ADGRD1: variants seen among roughly 807,000 people sequenced by gnomAD.
ADGRD1 encodes adhesion G protein-coupled receptor D1.
ADGRD1 carries 77 observed loss-of-function variants against 113.4 expected under a neutral mutation model. That is an observed-to-expected ratio of 0.68 (90% CI 0.57 to 0.82). ADGRD1 has a LOEUF of 0.82. Ranked by LOEUF, ADGRD1 falls within the 40% of genes least tolerant of loss-of-function variation. The pLI, the probability that ADGRD1 is intolerant of heterozygous loss-of-function variation, is 0.00. For synonymous variants in ADGRD1, 474 were observed against 475.0 expected, an observed-to-expected ratio of 1.00 and a Z score of 0.03; for missense variants, 1,036 against 1,139.1, an observed-to-expected ratio of 0.91 and a Z score of 1.30.
chr12:131,022,309 G>A lies in ADGRD1; in HGVS notation c.1473+7969G>A, dbSNP rs1184829509. ...CCCTTTGCCTAGAATAAATATCTTG[G>A]TGGTGGGGAGATACCGTGAAACTAC... is the stretch of plus-strand genomic sequence containing the variant. On this transcript the variant is annotated intron_variant, in intron 13 of 24. Coordinates refer to ENST00000261654, the MANE Select transcript of ADGRD1 (RefSeq NM_198827.5). The surrounding 1 kb of genome is among the most constrained non-coding windows in gnomAD (Gnocchi z 4.6). Among the ~76,000 whole-genome samples the A allele has an allele frequency of 6.6e-6, 1 of 152,124 alleles. No individual in the cohort carries two copies. The highest frequency in any genetic ancestry group is 1.5e-5 in the Non-Finnish European group (1 of 68,030).
At position 131,041,711 on chromosome 12, in the gene ADGRD1, G is replaced by A. The variant is rs1427990859; in HGVS notation, c.1473+27371G>A. On this transcript the variant is annotated intron_variant, in intron 13 of 24. Transcript: ENST00000261654. The surrounding 1 kb of genome is among the most constrained non-coding windows in gnomAD (Gnocchi z 4.4). The stretch of plus-strand genomic sequence containing the variant: ...GGACATGTCATGCATGAATCAGGGA[G>A]CAGTTCCCGGGGAACACACTGCACG... Among the ~76,000 whole-genome samples, 1 of 152,188 alleles carries A rather than the reference G, an allele frequency of 6.6e-6. No homozygotes were observed. Among genetic ancestry groups the A allele is most frequent in the Non-Finnish European group, 1.5e-5 (1 of 68,036 alleles).
In ADGRD1 at chr12:131,075,881, CG is replaced by C. The variant is rs1885562727; in HGVS notation, c.1474-918del. ...ATGGGTCACAGAACAGAGCAGGCAT[CG>C]GACAAATAAGAGATGCTTGACTTGA... On this transcript the variant is annotated intron_variant, in intron 13 of 24. Coordinates refer to ENST00000261654, the MANE Select transcript of ADGRD1 (RefSeq NM_198827.5). This position sits in a 1 kb window ranked among gnomAD's most constrained non-coding sequence, Gnocchi z 5.3. Among the ~76,000 whole-genome samples the C allele has an allele frequency of 6.6e-6, 1 of 152,184 alleles. No individual in the cohort carries two copies. The highest frequency in any genetic ancestry group is 3.2e-3 in the Middle Eastern group (1 of 316).
At chr12:131,049,120 C>A (rs1425920924) in intron 13 of ADGRD1, among the ~76,000 whole-genome samples, 1 of 152,226 alleles carries the variant, frequency 6.6e-6, no homozygotes, top group Non-Finnish European at 1.5e-5. Flanking sequence ...GACCCTCAGG[C>A]TCAGGTGCCT....
At position 131,021,289 on chromosome 12, in the gene ADGRD1, C is replaced by T. The variant is rs145804729; in HGVS notation, c.1473+6949C>T. On this transcript the variant is annotated intron_variant, in intron 13 of 24. Transcript: ENST00000261654. Reference sequence around the variant, plus strand: ...TTTTTTCAGTCCCGGGGTCTCATCTCGGCTGGCACAGAGCGCTTAGTTGTC... The same window carrying T: ...TTTTTTCAGTCCCGGGGTCTCATCTTGGCTGGCACAGAGCGCTTAGTTGTC... Among the ~76,000 whole-genome samples, 310 of 152,188 alleles carry T rather than the reference C, an allele frequency of 2.0e-3. 1 individual carries two copies. The highest frequency in any genetic ancestry group is 7.3e-3 in the African/African-American group (304 of 41,518).
chr12:131,065,399 C>A (rs1326278946), intron 13 of ADGRD1, among the ~76,000 whole-genome samples: 4 of 152,202 alleles, frequency 2.6e-5, no homozygotes, highest in Admixed American at 2.6e-4. Context: ...CAGCGTGGAC[C>A]CTCGGCTCTG....
intron 13 of ADGRD1, among the ~76,000 whole-genome samples, chr12:131,033,974 G>A (rs1200267466): frequency 2.0e-5 from 3 of 152,138 alleles, no homozygotes; most frequent in East Asian, 1.9e-4. Flanking sequence ...GCTCACGTCC[G>A]ATTTCCACCG....
intron 8 of ADGRD1, among the ~76,000 whole-genome samples, chr12:130,994,945 C>T (rs1283525686): frequency 6.6e-6 from 1 of 152,214 alleles, no homozygotes; most frequent in Non-Finnish European, 1.5e-5. Context: ...AAGTGTGTGT[C>T]CTGCCCTAGG....
chr12:131,085,230 G>T (rs1886376565), intron 15 of ADGRD1, among the ~76,000 whole-genome samples: 1 of 152,218 alleles, frequency 6.6e-6, no homozygotes, highest in Non-Finnish European at 1.5e-5. Flanking sequence ...GGAGCGGGGC[G>T]TCTTCACGGA....
intron 18 of ADGRD1, among the ~76,000 whole-genome samples, chr12:131,118,003 G>T (rs1345980063): frequency 1.3e-5 from 2 of 152,204 alleles, no homozygotes; most frequent in Non-Finnish European, 2.9e-5. Context: ...TTAAGCCATT[G>T]CCAGTTGTCT....
chr12:131,123,088 G>GAAGA (rs1950643312), intron 20 of ADGRD1, among the ~76,000 whole-genome samples: 6 of 76,302 alleles, frequency 7.9e-5, no homozygotes, highest in Non-Finnish European at 1.5e-4. Flanking sequence ...CAGAGTCTTC[G>GAAGA]CTCTGTCGCC....
At position 131,104,927 on chromosome 12, in the gene ADGRD1, G is replaced by C; in HGVS notation, c.1768G>C (p.Val590Leu). 1 of 1,548,892 alleles carries C rather than the reference G, an allele frequency of 6.5e-7. No individual in the cohort carries two copies. The highest frequency in any genetic ancestry group is 8.7e-7 in the Non-Finnish European group (1 of 1,145,338). Residue 590 changes from valine (V) to leucine (L), a missense_variant, in exon 16 of 25, where the codon GTG becomes CTG. Coordinates refer to ENST00000261654, the MANE Select transcript of ADGRD1 (RefSeq NM_198827.5). ...CLVATLVTFA[V>L]LSSVSTIRNQ... Reference sequence around the variant, plus strand: ...GGTGGCCACGCTGGTCACCTTCGCCGTGCTGTCGTGAGTCCCCTTTTCTAA... The same window carrying C: ...GGTGGCCACGCTGGTCACCTTCGCCCTGCTGTCGTGAGTCCCCTTTTCTAA...
intron 2 of ADGRD1, chr12:130,957,538 C>T (rs1869797612): frequency 6.6e-6 from 1 of 152,348 alleles, no homozygotes; most frequent in African/African-American, 2.4e-5. Context: ...CACACATGTA[C>T]ACCTATTTAC....
rs79017356 is a variant in ADGRD1, at chr12:131,038,297, G to A, written c.1473+23957G>A. 4.8e-3 allele frequency among the ~76,000 whole-genome samples: 735 copies of A among 152,364 alleles called. 5 individuals carry two copies. Among genetic ancestry groups the A allele is most frequent in the African/African-American group, 0.017 (696 of 41,588 alleles). ...TCCACAGTGCCGGGAGGGCCTGTGC[G>A]CTGAGCCAGGGCAGGTGGCAGATGG... On this transcript the variant is annotated intron_variant, in intron 13 of 24. Transcript: ENST00000261654.
intron 15 of ADGRD1, among the ~76,000 whole-genome samples, chr12:131,102,712 T>TGCAGG (rs1175016684): frequency 6.6e-6 from 1 of 152,158 alleles, no homozygotes; most frequent in Non-Finnish European, 1.5e-5. Flanking sequence ...TGGCACCTGC[T>TGCAGG]GCAGGGAAGC....
Position 131,075,764 on chromosome 12 carries a change from C to T in ADGRD1, c.1474-1037C>T, listed in dbSNP as rs145870890. Among the ~76,000 whole-genome samples, 35 of 152,304 alleles carry T rather than the reference C, an allele frequency of 2.3e-4. No homozygotes were observed. Among genetic ancestry groups the T allele is most frequent in the African/African-American group, 7.7e-4 (32 of 41,560 alleles). On this transcript the variant is annotated intron_variant, in intron 13 of 24. Transcript: ENST00000261654. This position sits in a 1 kb window ranked among gnomAD's most constrained non-coding sequence, Gnocchi z 5.3. ...TGGCGCTCATGAGGGGGGCTGCCCT[C>T]GTGGCTCTGTCCTGCACAAGTCAGT...
At chr12:131,064,950 T>C (rs368107008) in intron 13 of ADGRD1, among the ~76,000 whole-genome samples, 1 of 152,336 alleles carries the variant, frequency 6.6e-6, no homozygotes. Flanking sequence ...CTTGAGCTAG[T>C]GAGCCAGACC....
At position 130,984,160 on chromosome 12, in the gene ADGRD1, C is replaced by T. The variant is rs1873349432; in HGVS notation, c.490+2097C>T. On this transcript the variant is annotated intron_variant, in intron 5 of 24. Coordinates refer to ENST00000261654, the MANE Select transcript of ADGRD1 (RefSeq NM_198827.5). The surrounding 1 kb of genome is among the most constrained non-coding windows in gnomAD (Gnocchi z 4.1). ...GGTCCTATATTGTGATTGCCTAGGC[C>T]AAGTTTGTAAGAAAAATATTTGGAA... Among the ~76,000 whole-genome samples, 3 of 152,008 alleles carry T rather than the reference C, an allele frequency of 2.0e-5. No homozygotes were observed. In the South Asian group the frequency reaches 6.2e-4, roughly 32 times the overall value.
At position 131,118,392 on chromosome 12, in the gene ADGRD1, T is replaced by C. The variant is rs1306000583; in HGVS notation, c.2049T>C (p.Pro683=). Residue 683 remains proline (P), a synonymous_variant, in exon 19 of 25, where the codon CCT becomes CCC. Transcript: ENST00000261654. ...TTCTCCAATCTTCTGCAGGTTTTCC[T>C]CTTCTGATCTGCATCATTTCACTGT... ...RYYYGMGWGF[P]LLICIISLSF... is the part of the protein sequence containing the mutation. 3 of 1,609,154 alleles carry C rather than the reference T, an allele frequency of 1.9e-6. No homozygotes were observed. Among genetic ancestry groups the C allele is most frequent in the Non-Finnish European group, 2.5e-6 (3 of 1,178,306 alleles).
chr12:130,993,182 G>A (rs1244856393), intron 8 of ADGRD1, among the ~76,000 whole-genome samples: 1 of 152,026 alleles, frequency 6.6e-6, no homozygotes, highest in African/African-American at 2.4e-5. Context: ...GGGTTCCTAT[G>A]TGCACAGAAC....
Sources: gnomAD v4.1 joint callset for allele counts (sites outside exome capture counted in the v4.1 genomes callset) on GRCh38, gnomAD v4.1.1 for gene constraint, Gnocchi (gnomAD v3.1) non-coding constraint, MANE v1.5 for transcripts, NCBI Gene and HGNC (gene_info 2026-07-23, HGNC 2026-07-21) for gene names.